Variants in NRXN1 observed in about 807,000 individuals in gnomAD.
NRXN1 encodes the protein neurexin 1, also known as neurexin-1.
Under a neutral mutation model 150.9 loss-of-function variants are expected in NRXN1, and 39 were observed. The ratio of observed to expected loss-of-function variants is 0.26; its 90% CI spans 0.20 to 0.34. NRXN1 has a LOEUF of 0.34. Ranked by LOEUF, NRXN1 falls within the 10% of genes least tolerant of loss-of-function variation. The pLI is 1.00. For missense variants in NRXN1, 1,815 were observed against 1,949.9 expected, an observed-to-expected ratio of 0.93 and a Z score of 1.30; for synonymous variants, 924 against 757.0, an observed-to-expected ratio of 1.22 and a Z score of -3.62.
chr2:50,319,757 C>T (rs1198146043), intron 17 of NRXN1, among the ~76,000 whole-genome samples: 1 of 151,992 alleles, frequency 6.6e-6, no homozygotes, highest in African/African-American at 2.4e-5. Context: ...AAGACCCCTA[C>T]GCGAGCTTGC....
chr2:50,793,985 G>T (rs1178153082), intron 5 of NRXN1, among the ~76,000 whole-genome samples: 1 of 152,060 alleles, frequency 6.6e-6, no homozygotes, highest in Non-Finnish European at 1.5e-5. Flanking sequence ...GTTACAAGTG[G>T]AGTGGTGGTT....
chr2:50,556,205 C>G (rs1411226917), intron 8 of NRXN1, among the ~76,000 whole-genome samples: 1 of 152,042 alleles, frequency 6.6e-6, no homozygotes, highest in Non-Finnish European at 1.5e-5. Context: ...AAAGTTAGAC[C>G]TACTCTTAAA....
intron 5 of NRXN1, among the ~76,000 whole-genome samples, chr2:50,732,509 T>A (rs542574494): frequency 7.9e-5 from 12 of 152,272 alleles, no homozygotes; most frequent in Non-Finnish European, 1.5e-4. Context: ...GGTATTTAGA[T>A]CATGTTTTCT....
chr2:50,436,455 AG>A (rs1240636951), intron 17 of NRXN1, among the ~76,000 whole-genome samples: 3 of 136,068 alleles, frequency 2.2e-5, no homozygotes, highest in African/African-American at 5.5e-5. Flanking sequence ...CTCCGTCTCA[AG>A]GAAAAAAAAA....
At chr2:50,094,076 A>G (rs1191708984) in intron 18 of NRXN1, among the ~76,000 whole-genome samples, 2 of 152,226 alleles carry the variant, frequency 1.3e-5, no homozygotes, top group Non-Finnish European at 2.9e-5. Flanking sequence ...CAATCAATGT[A>G]TGTTTAAAAT....
chr2:50,683,855 G>T (rs981225208), intron 5 of NRXN1, among the ~76,000 whole-genome samples: 1 of 150,624 alleles, frequency 6.6e-6, no homozygotes, highest in Non-Finnish European at 1.5e-5. Flanking sequence ...ATTTAACAAG[G>T]TACGATGTGT....
rs199701804 is a variant in NRXN1, at chr2:50,552,780, G to A, written c.1566C>T (p.Gly522=). Residue 522 remains glycine, a synonymous_variant, in exon 9 of 23, where the codon GGC becomes GGT. Coordinates refer to ENST00000401669, the MANE Select transcript of NRXN1 (RefSeq NM_001330078.2). ...EPNGLILFSH[G]KPRHQKDAKH... ...TGGCATCTTTCTGATGTCTTGGCTT[G>A]CCATGGCTAAATAAGATGAGGCCAT... 16 of 1,613,818 alleles carry A rather than the reference G, an allele frequency of 9.9e-6. No individual in the cohort carries two copies. The highest frequency in any genetic ancestry group is 3.3e-4 in the Middle Eastern group (2 of 6,084).
At chr2:50,508,020 T>C (rs538135407) in intron 12 of NRXN1, among the ~76,000 whole-genome samples, 16 of 151,926 alleles carry the variant, frequency 1.1e-4, no homozygotes, top group African/African-American at 3.4e-4. Context: ...GCAAGAGAGA[T>C]CGAGTAAGAG....
At chr2:50,483,050 C>CAA (rs70948712) in intron 15 of NRXN1, among the ~76,000 whole-genome samples, 22,801 of 75,516 alleles carry the variant, frequency 0.3, 3,063 homozygotes, top group South Asian at 0.39. Flanking sequence ...GACTCCGTGT[C>CAA]AAAAAAAAAA....
In NRXN1 at chr2:50,248,395, TAG is replaced by T. The variant is rs954593767; in HGVS notation, c.3365-11427_3365-11426del. ...GAAACACCTACCTCTTGAAATGAAGTAGAGTTTGAGATTTTGTTTGGCTATAA... is the reference window on the plus strand; with the variant it reads ...GAAACACCTACCTCTTGAAATGAAGTAGTTTGAGATTTTGTTTGGCTATAA... On this transcript the variant is annotated intron_variant, in intron 17 of 22. Coordinates refer to ENST00000401669, the MANE Select transcript of NRXN1 (RefSeq NM_001330078.2). Among the ~76,000 whole-genome samples the T allele has an allele frequency of 2.0e-4, 30 of 152,238 alleles. 1 individual carries two copies. Among genetic ancestry groups the T allele is most frequent in the Admixed American group, 5.9e-4 (9 of 15,274 alleles).
chr2:50,113,382 C>A (rs1018490730), intron 18 of NRXN1, among the ~76,000 whole-genome samples: 1 of 152,120 alleles, frequency 6.6e-6, no homozygotes, highest in African/African-American at 2.4e-5. Context: ...CCTCTGGCTA[C>A]CTTGCAATTC....
At chr2:50,059,909 G>A (rs1387518442) in intron 19 of NRXN1, among the ~76,000 whole-genome samples, 1 of 152,178 alleles carries the variant, frequency 6.6e-6, no homozygotes, top group Non-Finnish European at 1.5e-5. Context: ...TCCAGGCAGA[G>A]GTGTGCTGCA....
chr2:50,423,730 T>C (rs1275331440), intron 17 of NRXN1, among the ~76,000 whole-genome samples: 1 of 151,982 alleles, frequency 6.6e-6, no homozygotes, highest in Non-Finnish European at 1.5e-5. Context: ...AGACACATGA[T>C]AAAGCATCAG....
chr2:50,999,579 T>C lies in NRXN1; in HGVS notation c.772+27923A>G, dbSNP rs181995909. Among the ~76,000 whole-genome samples, 69 of 152,134 alleles carry C rather than the reference T, an allele frequency of 4.5e-4. 1 individual carries two copies. In the East Asian group the frequency reaches 0.013, roughly 28 times the overall value. ...CCAGCTTTAAAATTTCTCTCTTTTG[T>C]ACTCTGTCCCTTTATTTCTCAGACC... On this transcript the variant is annotated intron_variant, in intron 2 of 22. Coordinates refer to ENST00000401669, the MANE Select transcript of NRXN1 (RefSeq NM_001330078.2).
At chr2:50,205,430 T>C (rs969854979) in intron 18 of NRXN1, among the ~76,000 whole-genome samples, 3 of 152,126 alleles carry the variant, frequency 2.0e-5, no homozygotes, top group Admixed American at 6.6e-5. Context: ...GAAGACTACA[T>C]GAAGGCAGTA....
chr2:50,999,772 T>C (rs974298680), intron 2 of NRXN1, among the ~76,000 whole-genome samples: 2 of 151,954 alleles, frequency 1.3e-5, no homozygotes, highest in African/African-American at 4.8e-5. Flanking sequence ...CATCATTAAA[T>C]CCTGCCAGCT....
intron 18 of NRXN1, among the ~76,000 whole-genome samples, chr2:50,209,679 T>A (rs1358567687): frequency 1.3e-5 from 2 of 152,116 alleles, no homozygotes; most frequent in Non-Finnish European, 2.9e-5. Flanking sequence ...AACTAAAGTA[T>A]GTATGTAAAT....
At chr2:50,044,619 C>T (rs1253423317) in intron 21 of NRXN1, among the ~76,000 whole-genome samples, 1 of 152,060 alleles carries the variant, frequency 6.6e-6, no homozygotes, top group African/African-American at 2.4e-5. Context: ...GTTAGTGATG[C>T]TGTTAATAAT....
At chr2:50,958,251 T>G (rs1029333411) in intron 2 of NRXN1, among the ~76,000 whole-genome samples, 1 of 152,136 alleles carries the variant, frequency 6.6e-6, no homozygotes. Context: ...AACTCCTTGC[T>G]TTGGAGCTCA....
Sources: gnomAD v4.1 joint callset for allele counts (sites outside exome capture counted in the v4.1 genomes callset) on GRCh38, gnomAD v4.1.1 for gene constraint, MANE v1.5 for transcripts, NCBI Gene and HGNC (gene_info 2026-07-23, HGNC 2026-07-21) for gene names.